The following DTX4 variants were observed in gnomAD, a reference collection of about 807,000 sequenced individuals.
DTX4 encodes the protein deltex E3 ubiquitin ligase 4.
Under a neutral mutation model 57.6 loss-of-function variants are expected in DTX4, and 28 were observed. That is an observed-to-expected ratio of 0.49 (90% CI 0.36 to 0.67). The LOEUF (loss-of-function observed/expected upper bound fraction) is 0.67. DTX4 is among the 30% of genes least tolerant of loss of function. The pLI is 0.00. For missense variants in DTX4, 715 were observed against 836.8 expected, an observed-to-expected ratio of 0.85 and a Z score of 1.80; for synonymous variants, 316 against 331.0, an observed-to-expected ratio of 0.95 and a Z score of 0.49.
upstream of DTX4, among the ~76,000 whole-genome samples, chr11:59,171,684 A>C (rs1238402050): frequency 1.3e-5 from 2 of 151,726 alleles, no homozygotes; most frequent in Non-Finnish European, 2.9e-5. Context: ...GATGCGGGAG[A>C]GGATGAGGTA....
Position 59,182,053 on chromosome 11 carries a change from G to T in DTX4, c.526G>T (p.Val176Phe). The T allele has an allele frequency of 5.0e-6, 8 of 1,612,760 alleles. No homozygotes were observed. Among genetic ancestry groups the T allele is most frequent in the Non-Finnish European group, 6.8e-6 (8 of 1,179,160 alleles). The change falls in exon 2 of 9, where the codon GTC becomes TTC. Residue 176 changes from valine to phenylalanine, a missense_variant. Physicochemically the swap from Val to Phe is conservative, Grantham distance 50. Coordinates refer to ENST00000227451, the MANE Select transcript of DTX4 (RefSeq NM_015177.2). Reference protein sequence around the residue: ...GTLPKAQSWPVSPGPATSPPM... With the variant: ...GTLPKAQSWPFSPGPATSPPM... The stretch of plus-strand genomic sequence containing the variant: ...CTTGCCTAAGGCTCAGTCCTGGCCA[G>T]TCAGCCCTGGGCCAGCCACCTCGCC...
intron 7 of DTX4, among the ~76,000 whole-genome samples, chr11:59,198,466 G>A (rs978598781): frequency 1.3e-5 from 2 of 152,120 alleles, no homozygotes; most frequent in Admixed American, 6.5e-5. Context: ...TTCAGCTCAC[G>A]GTGACTGCTC....
chr11:59,172,724 C>A lies in DTX4; in HGVS notation c.129C>A (p.Ser43Arg). The A allele has an allele frequency of 1.2e-6, 2 of 1,604,100 alleles. No homozygotes were observed. Among genetic ancestry groups the A allele is most frequent in the South Asian group, 1.1e-5 (1 of 89,834 alleles). Residue 43 changes from serine to arginine, a missense_variant, in exon 1 of 9, where the codon AGC (serine) becomes AGA (arginine). By Grantham distance (110) the Ser-to-Arg change is moderately radical. Transcript: ENST00000227451. Reference sequence around the variant, plus strand: ...GCGCCGGCCCCCGCGCGGGGGGCAGCGTGGTGCTGGGCCAGGTGGACAGCC... The same window carrying A: ...GCGCCGGCCCCCGCGCGGGGGGCAGAGTGGTGCTGGGCCAGGTGGACAGCC... ...VVRAGPRAGG[S>R]VVLGQVDSRL...
chr11:59,172,622 C>T lies in DTX4; in HGVS notation c.27C>T (p.Val9=). The T allele has an allele frequency of 6.3e-7, 1 of 1,575,266 alleles. No individual in the cohort carries two copies. The highest frequency in any genetic ancestry group is 8.6e-7 in the Non-Finnish European group (1 of 1,167,954). The change falls in exon 1 of 9, where the codon GTC becomes GTT. Residue 9 remains valine (V), a synonymous_variant. Transcript: ENST00000227451. The part of the protein sequence containing the change: MLLASAVV[V]WEWLNEHGRW... ...TGCTCCTGGCCTCGGCCGTGGTGGT[C>T]TGGGAATGGCTGAACGAGCACGGCC...
rs1009529022 is a variant in DTX4, at chr11:59,205,636, A to G, written c.*727A>G. 2.2e-4 allele frequency: 33 copies of G among 152,844 alleles called. No homozygotes were observed. Among genetic ancestry groups the G allele is most frequent in the African/African-American group, 8.0e-4 (33 of 41,438 alleles). The allele number at this position is 152,844 out of a possible 1,614,324, so 9.5% of individuals were successfully genotyped here. ...CTCTGGGGTTCCTCTTTGGAGTGGCATCCCATGATGCTGTTTCTAGACCCT... is the reference window on the plus strand; with the variant it reads ...CTCTGGGGTTCCTCTTTGGAGTGGCGTCCCATGATGCTGTTTCTAGACCCT... On this transcript the variant is annotated 3_prime_UTR_variant, in exon 9 of 9. Coordinates refer to ENST00000227451, the MANE Select transcript of DTX4 (RefSeq NM_015177.2).
intron 4 of DTX4, 137 bp downstream of exon 4, chr11:59,189,460 C>G: frequency 1.2e-6 from 1 of 815,990 alleles, no homozygotes; most frequent in Non-Finnish European, 1.9e-6. Context: ...GTGGGCCTAA[C>G]CAGTAAATCT....
At chr11:59,190,390 C>G (rs1862581113) in intron 4 of DTX4, among the ~76,000 whole-genome samples, 1 of 152,196 alleles carries the variant, frequency 6.6e-6, no homozygotes, top group African/African-American at 2.4e-5. Context: ...TATTGCTCAT[C>G]CCCATTTCAT....
upstream of DTX4, among the ~76,000 whole-genome samples, chr11:59,171,757 C>T (rs1862326199): frequency 6.6e-6 from 1 of 152,028 alleles, no homozygotes; most frequent in Non-Finnish European, 1.5e-5. Context: ...TGTGAGTGTG[C>T]CAGTGCGTGC....
intron 4 of DTX4, among the ~76,000 whole-genome samples, chr11:59,190,450 C>G (rs893832056): frequency 3.3e-5 from 5 of 152,152 alleles, no homozygotes; most frequent in Admixed American, 6.5e-5. Context: ...CCCAAGGTAG[C>G]ACTGATCATT....
chr11:59,176,489 C>T (rs902192802), intron 1 of DTX4, among the ~76,000 whole-genome samples: 14 of 152,204 alleles, frequency 9.2e-5, no homozygotes, highest in East Asian at 1.9e-4. Flanking sequence ...AACTATTTAG[C>T]GCAGTCACTG....
chr11:59,196,701 T>C (rs990635470), intron 7 of DTX4, among the ~76,000 whole-genome samples: 11 of 152,112 alleles, frequency 7.2e-5, no homozygotes, highest in African/African-American at 2.4e-4. Context: ...ACAAACTCTA[T>C]TGTGAACTGT....
chr11:59,198,937 C>T (rs1862707471), intron 7 of DTX4, among the ~76,000 whole-genome samples: 1 of 152,314 alleles, frequency 6.6e-6, no homozygotes, highest in South Asian at 2.1e-4. Context: ...GATTAGGAAA[C>T]CTGTTCTCAC....
In DTX4 at chr11:59,206,872, G is replaced by A. The variant is rs1261691643; in HGVS notation, c.*1963G>A. The stretch of plus-strand genomic sequence containing the variant: ...CATCCTTGTCCCTGTGTCTCCTGTC[G>A]GCAGGCAGCCATTGTATCTCACCAG... On this transcript the variant is annotated 3_prime_UTR_variant, in exon 9 of 9. Coordinates refer to ENST00000227451, the MANE Select transcript of DTX4 (RefSeq NM_015177.2). 4 of 152,568 alleles carry A rather than the reference G, an allele frequency of 2.6e-5. No individual in the cohort carries two copies. Among genetic ancestry groups the A allele is most frequent in the Non-Finnish European group, 5.9e-5 (4 of 68,038 alleles). 9.5% of individuals were successfully genotyped at this position (152,568 alleles called of 1,614,324 possible). A position where few individuals can be genotyped will look rare whatever the true frequency, so the allele number is the denominator to read the frequency against.
chr11:59,175,638 G>T (rs1259789689), intron 1 of DTX4, among the ~76,000 whole-genome samples: 2 of 152,178 alleles, frequency 1.3e-5, no homozygotes, highest in African/African-American at 4.8e-5. Context: ...AAAAGCCTCG[G>T]TGGGCCCCTC....
intron 1 of DTX4, among the ~76,000 whole-genome samples, chr11:59,173,143 A>C (rs1862349645): frequency 6.6e-6 from 1 of 152,154 alleles, no homozygotes; most frequent in Non-Finnish European, 1.5e-5. Context: ...GCCGCCCCAG[A>C]CTACAGGCAA....
At chr11:59,174,404 G>A (rs1862369373) in intron 1 of DTX4, among the ~76,000 whole-genome samples, 1 of 151,448 alleles carries the variant, frequency 6.6e-6, no homozygotes, top group Non-Finnish European at 1.5e-5. Context: ...TGAGGGTGGA[G>A]GGGGTGTGTG....
At chr11:59,187,692 G>A (rs1862544961) in intron 2 of DTX4, among the ~76,000 whole-genome samples, 1 of 152,198 alleles carries the variant, frequency 6.6e-6, no homozygotes, top group Non-Finnish European at 1.5e-5. Flanking sequence ...AAGCCCAGCT[G>A]CAGGAGTGTG....
At chr11:59,191,013 A>G (rs1176462119) in intron 4 of DTX4, 101 bp from the exon 5 acceptor site, 1 of 1,115,736 alleles carries the variant, frequency 9.0e-7, no homozygotes, top group Non-Finnish European at 1.3e-6. Flanking sequence ...TTTTGCTTTT[A>G]ACTTGCCTGA....
chr11:59,186,801 C>T (rs1160285189), intron 2 of DTX4, among the ~76,000 whole-genome samples: 1 of 152,226 alleles, frequency 6.6e-6, no homozygotes, highest in Non-Finnish European at 1.5e-5. Flanking sequence ...AGAAACAAGT[C>T]CATTCTTCTT....
Sources: gnomAD v4.1 joint callset for allele counts (sites outside exome capture counted in the v4.1 genomes callset) on GRCh38, gnomAD v4.1.1 for gene constraint, MANE v1.5 for transcripts, NCBI Gene and HGNC (gene_info 2026-07-23, HGNC 2026-07-21) for gene names.